The following NCF4 variants were observed in gnomAD, a reference collection of about 807,000 sequenced individuals.
The protein encoded by NCF4 is neutrophil cytosol factor 4.
NCF4 carries 30 observed loss-of-function variants against 41.7 expected under a neutral mutation model. The observed-to-expected ratio is 0.72, with a 90% CI of 0.54 to 0.97. NCF4 has a LOEUF of 0.97. Among genes scored for constraint, NCF4 ranks in the 50% least tolerant of loss-of-function variants. NCF4 has a pLI of 0.00. For synonymous variants in NCF4, 195 were observed against 175.8 expected, an observed-to-expected ratio of 1.11 and a Z score of -0.87; for missense variants, 432 against 460.9, an observed-to-expected ratio of 0.94 and a Z score of 0.57.
Position 36,865,132 on chromosome 22 carries a change from C to T in NCF4, c.271+60C>T. The T allele has an allele frequency of 1.3e-6, 2 of 1,590,586 alleles. No homozygotes were observed. Among genetic ancestry groups the T allele is most frequent in the Non-Finnish European group, 1.7e-6 (2 of 1,172,152 alleles). On this transcript the variant is annotated intron_variant, in intron 3 of 9. Coordinates refer to ENST00000248899, the MANE Select transcript of NCF4 (RefSeq NM_000631.5). This position sits in a 1 kb window ranked among gnomAD's most constrained non-coding sequence, Gnocchi z 4.3. ...TGCTGACTCTCCTTCCTTCCAGGGCCCCTGACACTGTTCTGTGATTTGATC... is the reference window on the plus strand; with the variant it reads ...TGCTGACTCTCCTTCCTTCCAGGGCTCCTGACACTGTTCTGTGATTTGATC...
In NCF4 at chr22:36,864,008, G is replaced by T. The variant is rs747025962; in HGVS notation, c.33-37G>T. On this transcript the variant is annotated intron_variant, in intron 1 of 9. Transcript: ENST00000248899. ...CGGTGGGCCCACAAAACACATCAGG[G>T]TGATAAGCAGGATCTCTTTTCCCCT... 4 of 1,590,940 alleles carry T rather than the reference G, an allele frequency of 2.5e-6. No homozygotes were observed. In the East Asian group the frequency reaches 6.7e-5, roughly 27 times the overall value.
At position 36,870,842 on chromosome 22, in the gene NCF4, A is replaced by C. The variant is rs967255884; in HGVS notation, c.470+300A>C. 4.6e-5 allele frequency among the ~76,000 whole-genome samples: 7 copies of C among 152,344 alleles called. No homozygotes were observed. The South Asian group carries it at 1.4e-3, about 32-fold the overall frequency. On this transcript the variant is annotated intron_variant, in intron 5 of 9. Transcript: ENST00000248899. ...GCCCAGAAGCTCTGGGTGCCTGGAA[A>C]GAATTGGGGGCAGAGAGGAGGGAAA... is the stretch of plus-strand genomic sequence containing the variant.
intron 5 of NCF4, 109 bp downstream of exon 5, chr22:36,870,651 C>A: frequency 7.0e-7 from 1 of 1,421,240 alleles, no homozygotes; most frequent in East Asian, 2.4e-5. Flanking sequence ...CAGCCATATC[C>A]CTGGACACTC....
chr22:36,874,822 T>G (rs975030145), intron 7 of NCF4, among the ~76,000 whole-genome samples: 11 of 152,176 alleles, frequency 7.2e-5, no homozygotes, highest in African/African-American at 2.4e-4. Context: ...GAGGCACAGT[T>G]GTATCTGATG....
At chr22:36,861,275 C>T (rs1939769562) in intron 1 of NCF4, 72 bp downstream of exon 1, 1 of 1,495,902 alleles carries the variant, frequency 6.7e-7, no homozygotes, top group Non-Finnish European at 9.1e-7. Flanking sequence ...AAAGGCCAGT[C>T]CTTCTGCAGT....
At chr22:36,869,373 T>C (rs1939999941) in intron 4 of NCF4, among the ~76,000 whole-genome samples, 1 of 152,172 alleles carries the variant, frequency 6.6e-6, no homozygotes, top group African/African-American at 2.4e-5. Flanking sequence ...TTAATGACCA[T>C]CTGGAGCCAG....
intron 7 of NCF4, among the ~76,000 whole-genome samples, chr22:36,875,325 C>T (rs575084615): frequency 1.6e-4 from 25 of 152,130 alleles, no homozygotes; most frequent in Non-Finnish European, 3.1e-4. Flanking sequence ...CTACTGCGCC[C>T]GGCCCAAGGA....
Position 36,863,992 on chromosome 22 carries a change from C to T in NCF4, c.33-53C>T, listed in dbSNP as rs1939852658. Reference sequence around the variant, plus strand: ...CACTCTACCTCATACCCGGTGGGCCCACAAAACACATCAGGGTGATAAGCA... The same window carrying T: ...CACTCTACCTCATACCCGGTGGGCCTACAAAACACATCAGGGTGATAAGCA... On this transcript the variant is annotated intron_variant, in intron 1 of 9. Transcript: ENST00000248899. 3 of 1,553,072 alleles carry T rather than the reference C, an allele frequency of 1.9e-6. No individual in the cohort carries two copies. In the African/African-American group the frequency reaches 4.1e-5, roughly 21 times the overall value.
intron 3 of NCF4, 111 bp from the exon 4 acceptor site, chr22:36,867,281 C>T (rs1939949980): frequency 9.1e-7 from 1 of 1,103,920 alleles, no homozygotes; most frequent in Admixed American, 1.9e-5. Context: ...GGGAAGAATG[C>T]TGAGCCATCG....
Position 36,877,733 on chromosome 22 carries a change from T to A in NCF4, c.930T>A (p.Ala310=). Residue 310 remains alanine (A), a synonymous_variant, in exon 10 of 10, where the codon GCT becomes GCA. Transcript: ENST00000248899. ...ACGTAGCGCTCATGGTGCGGCAGGC[T>A]CGTGGCCTCCCCTCCCAGAAGCGCC... ...DEDVALMVRQ[A]RGLPSQKRLF... The A allele has an allele frequency of 6.2e-7, 1 of 1,614,056 alleles. No homozygotes were observed. The highest frequency in any genetic ancestry group is 1.1e-5 in the South Asian group (1 of 91,082).
chr22:36,864,507 GC>G (rs1486672312), intron 2 of NCF4, among the ~76,000 whole-genome samples: 2 of 152,046 alleles, frequency 1.3e-5, no homozygotes, highest in Non-Finnish European at 2.9e-5. Context: ...CTTTAGTGTT[GC>G]CCCCACAACA....
At chr22:36,876,667 A>G (rs967785506) in intron 9 of NCF4, among the ~76,000 whole-genome samples, 3 of 152,198 alleles carry the variant, frequency 2.0e-5, no homozygotes, top group African/African-American at 7.2e-5. Flanking sequence ...AAAACCTTTC[A>G]GTGGCTACAT....
chr22:36,875,266 G>A (rs956279083), intron 7 of NCF4, among the ~76,000 whole-genome samples: 1 of 152,252 alleles, frequency 6.6e-6, no homozygotes, highest in Admixed American at 6.5e-5. Context: ...CTGATCTCAA[G>A]TGATTCACCA....
rs2145702686 is a variant in NCF4, at chr22:36,864,069, T to C, written c.57T>C (p.Asp19=). ...GTGACTTTGAACAGCTTCCGGATGA[T>C]GTTGCCATCTCGGCCAACATTGCTG... The part of the protein sequence containing the change: ...AESDFEQLPD[D]VAISANIADI... The change falls in exon 2 of 10, where the codon GAT becomes GAC. Residue 19 remains aspartate (D), a synonymous_variant. Transcript: ENST00000248899. The C allele has an allele frequency of 5.0e-6, 8 of 1,614,222 alleles. No homozygotes were observed. The highest frequency in any genetic ancestry group is 6.8e-6 in the Non-Finnish European group (8 of 1,180,030).
chr22:36,870,731 C>T lies in NCF4; in HGVS notation c.470+189C>T, dbSNP rs143485351. Among the ~76,000 whole-genome samples the T allele has an allele frequency of 1.9e-3, 293 of 152,240 alleles. 1 individual carries two copies. Among genetic ancestry groups the T allele is most frequent in the African/African-American group, 6.7e-3 (278 of 41,548 alleles). On this transcript the variant is annotated intron_variant, in intron 5 of 9. Transcript: ENST00000248899. ...GGCTTGGAGGGACAGAGGGTGTGTG[C>T]CTTTCAATGTGATAATAAGGATTGG...
rs138665873 is a variant in NCF4, at chr22:36,871,152, A to G, written c.471-500A>G. On this transcript the variant is annotated intron_variant, in intron 5 of 9. Coordinates refer to ENST00000248899, the MANE Select transcript of NCF4 (RefSeq NM_000631.5). ...CTCCTCCCTCTGCTTCCTCCCACCAATGTCTCCAAGGGTCCTCTCCATGCC... is the reference window on the plus strand; with the variant it reads ...CTCCTCCCTCTGCTTCCTCCCACCAGTGTCTCCAAGGGTCCTCTCCATGCC... Among the ~76,000 whole-genome samples, 62 of 152,150 alleles carry G rather than the reference A, an allele frequency of 4.1e-4. 1 individual carries two copies. Among genetic ancestry groups the G allele is most frequent in the African/African-American group, 1.1e-3 (47 of 41,492 alleles).
intron 1 of NCF4, among the ~76,000 whole-genome samples, chr22:36,862,241 C>T (rs1390604913): frequency 6.6e-6 from 1 of 152,156 alleles, no homozygotes; most frequent in East Asian, 1.9e-4. Flanking sequence ...CTGGTGTGTG[C>T]CTACGCGGGG....
intron 4 of NCF4, chr22:36,870,037 G>A (rs983224619): frequency 6.6e-5 from 23 of 349,882 alleles, no homozygotes; most frequent in Non-Finnish European, 1.1e-4. Context: ...TCACCTCTCT[G>A]ATCCTAACTC....
rs889174073 is a variant in NCF4, at chr22:36,865,939, C to T, written c.271+867C>T. On this transcript the variant is annotated intron_variant, in intron 3 of 9. Transcript: ENST00000248899. The surrounding 1 kb of genome is among the most constrained non-coding windows in gnomAD (Gnocchi z 4.3). ...TGCCTACTCTAAGCCAGCCTCCCCT[C>T]TCAGGCTCCATCATTTTCCCTCCTC... Among the ~76,000 whole-genome samples, 2 of 152,154 alleles carry T rather than the reference C, an allele frequency of 1.3e-5. No homozygotes were observed.
Sources: gnomAD v4.1 joint callset for allele counts (sites outside exome capture counted in the v4.1 genomes callset) on GRCh38, gnomAD v4.1.1 for gene constraint, Gnocchi (gnomAD v3.1) non-coding constraint, MANE v1.5 for transcripts, NCBI Gene and HGNC (gene_info 2026-07-23, HGNC 2026-07-21) for gene names.